The following GGNBP2 variants were observed in gnomAD, a reference collection of about 807,000 sequenced individuals.
GGNBP2 encodes gametogenetin binding protein 2.
A neutral mutation model predicts 85.9 loss-of-function variants in GGNBP2; 10 were observed. That is an observed-to-expected ratio of 0.12 (90% CI 0.07 to 0.20). GGNBP2 has a LOEUF of 0.20. Among genes scored for constraint, GGNBP2 ranks in the 10% least tolerant of loss-of-function variants. GGNBP2 has a pLI of 1.00. For missense variants in GGNBP2, 595 were observed against 857.8 expected, an observed-to-expected ratio of 0.69 and a Z score of 3.83; for synonymous variants, 287 against 285.7, an observed-to-expected ratio of 1.00 and a Z score of -0.05.
intron 5 of GGNBP2, 27 bp from the exon 6 acceptor site, chr17:36,567,636 T>A (rs1555606027): frequency 8.3e-7 from 1 of 1,203,502 alleles, no homozygotes; most frequent in East Asian, 2.4e-5. Flanking sequence ...TATTCTCCCT[T>A]TTCACTAATA....
At chr17:36,572,576 G>C (rs1161861067) in intron 6 of GGNBP2, among the ~76,000 whole-genome samples, 2 of 151,994 alleles carry the variant, frequency 1.3e-5, no homozygotes, top group Admixed American at 1.3e-4. Flanking sequence ...GTAGTCCCAG[G>C]TACTCAGGTG....
intron 2 of GGNBP2, among the ~76,000 whole-genome samples, chr17:36,552,130 A>G (rs1214748064): frequency 1.3e-5 from 2 of 152,214 alleles, no homozygotes; most frequent in African/African-American, 4.8e-5. Flanking sequence ...AATATAAATC[A>G]AGGTATTAGT....
chr17:36,557,685 G>T (rs139601658), intron 4 of GGNBP2, among the ~76,000 whole-genome samples: 6 of 152,266 alleles, frequency 3.9e-5, no homozygotes, highest in Non-Finnish European at 7.4e-5. Flanking sequence ...AGAAAACTGG[G>T]GGGAAGGCAG....
intron 6 of GGNBP2, chr17:36,574,581 CG>C: frequency 1.5e-5 from 8 of 529,052 alleles, no homozygotes; most frequent in South Asian, 2.5e-5. Context: ...TTCCAGAGGT[CG>C]GGGGTCAGGT....
intron 10 of GGNBP2, 119 bp from the exon 11 acceptor site, chr17:36,585,721 G>T (rs2074694352): frequency 2.4e-6 from 2 of 831,386 alleles, no homozygotes; most frequent in Non-Finnish European, 3.7e-6. Context: ...CATTGGAAAT[G>T]TTCTACTTTT....
At chr17:36,562,430 A>G (rs1281095260) in intron 5 of GGNBP2, among the ~76,000 whole-genome samples, 2 of 151,956 alleles carry the variant, frequency 1.3e-5, no homozygotes, top group African/African-American at 4.8e-5. Context: ...TGGTCTCCCA[A>G]AGTGCTGGGA....
chr17:36,558,836 A>G (rs2142712503), intron 4 of GGNBP2, among the ~76,000 whole-genome samples: 1 of 152,072 alleles, frequency 6.6e-6, no homozygotes, highest in Middle Eastern at 3.4e-3. Context: ...GTCTGATGAA[A>G]TCTGGCTTAC....
At chr17:36,566,517 TAAAA>T (rs1055523665) in intron 5 of GGNBP2, among the ~76,000 whole-genome samples, 1 of 151,134 alleles carries the variant, frequency 6.6e-6, no homozygotes, top group Non-Finnish European at 1.5e-5. Flanking sequence ...ATACAAAAAA[TAAAA>T]AAATAAAAAT....
chr17:36,564,655 T>A (rs2074451401), intron 5 of GGNBP2, among the ~76,000 whole-genome samples: 2 of 152,176 alleles, frequency 1.3e-5, no homozygotes, highest in Non-Finnish European at 2.9e-5. Context: ...GGCTAAGCAG[T>A]ACAGTATGCT....
chr17:36,578,497 A>C, intron 7 of GGNBP2: 1 of 301,714 alleles, frequency 3.3e-6, no homozygotes, highest in Non-Finnish European at 6.1e-6. Context: ...TTCTCCCTCT[A>C]TCCATGCATT....
At chr17:36,554,183 C>A (rs2074337538) in intron 2 of GGNBP2, among the ~76,000 whole-genome samples, 1 of 150,364 alleles carries the variant, frequency 6.7e-6, no homozygotes, top group African/African-American at 2.4e-5. Flanking sequence ...GTGGTGGGTT[C>A]CTGTAATCCC....
chr17:36,554,352 ATTTTTTTTTTTTTT>A (rs780217291), intron 2 of GGNBP2, among the ~76,000 whole-genome samples: 21 of 44,506 alleles, frequency 4.7e-4, no homozygotes, highest in Admixed American at 1.2e-3. Flanking sequence ...ATGTACTTGA[ATTTTTTTTTTTTTT>A]TTTTTTTTTT....
chr17:36,561,675 G>A (rs2074418367), intron 5 of GGNBP2, among the ~76,000 whole-genome samples: 1 of 152,170 alleles, frequency 6.6e-6, no homozygotes, highest in East Asian at 1.9e-4. Flanking sequence ...CCAGGCTGGA[G>A]TGCAGTGGCG....
intron 2 of GGNBP2, 137 bp downstream of exon 2, chr17:36,545,954 C>T: frequency 1.6e-6 from 1 of 626,752 alleles, no homozygotes; most frequent in South Asian, 2.0e-5. Flanking sequence ...CTTCAGCAGG[C>T]CCCACAAACT....
At chr17:36,584,576 G>C (rs1299502768) in intron 9 of GGNBP2, among the ~76,000 whole-genome samples, 1 of 152,142 alleles carries the variant, frequency 6.6e-6, no homozygotes, top group Admixed American at 6.5e-5. Context: ...GACCTCAAGT[G>C]ATCCACCTGC....
intron 2 of GGNBP2, among the ~76,000 whole-genome samples, chr17:36,552,705 A>T (rs2074322078): frequency 6.6e-6 from 1 of 152,200 alleles, no homozygotes; most frequent in South Asian, 2.1e-4. Flanking sequence ...GCATGGAAGA[A>T]AAAACTTTCA....
At chr17:36,581,748 A>G (rs1301681944) in intron 9 of GGNBP2, 1 of 337,310 alleles carries the variant, frequency 3.0e-6, no homozygotes, top group Non-Finnish European at 5.3e-6. Flanking sequence ...TAATAAAAAT[A>G]AAAAGTACAG....
intron 5 of GGNBP2, among the ~76,000 whole-genome samples, chr17:36,562,151 CTTCT>C (rs1482565762): frequency 1.5e-4 from 23 of 152,128 alleles, no homozygotes; most frequent in African/African-American, 5.1e-4. Context: ...AAAAACTATA[CTTCT>C]TTATTAATTT....
chr17:36,583,060 T>C (rs907205374), intron 9 of GGNBP2, among the ~76,000 whole-genome samples: 16 of 152,090 alleles, frequency 1.1e-4, no homozygotes, highest in African/African-American at 3.9e-4. Context: ...TAAGCTAGAT[T>C]CCTTTTTTTT....
Sources: gnomAD v4.1 joint callset for allele counts (sites outside exome capture counted in the v4.1 genomes callset) on GRCh38, gnomAD v4.1.1 for gene constraint, MANE v1.5 for transcripts, NCBI Gene and HGNC (gene_info 2026-07-23, HGNC 2026-07-21) for gene names.